HSPA9: variants seen among roughly 807,000 people sequenced by gnomAD.
HSPA9 encodes heat shock protein family A (Hsp70) member 9, also known as stress-70 protein, mitochondrial.
A neutral mutation model predicts 81.5 loss-of-function variants in HSPA9; 28 were observed. That is an observed-to-expected ratio of 0.34 (90% CI 0.25 to 0.47). The LOEUF is 0.47. Among genes scored for constraint, HSPA9 ranks in the 20% least tolerant of loss-of-function variants. The probability of loss-of-function intolerance (pLI) is 1.00; values close to 1 mark genes in which losing one functional copy is unlikely to be tolerated. For missense variants in HSPA9, 678 were observed against 838.0 expected (o/e 0.81, Z 2.36); for synonymous variants, 293 against 290.4 (o/e 1.01, Z -0.09).
At position 138,554,304 on chromosome 5, in the gene HSPA9, G is replaced by C. The variant is rs576291510; in HGVS notation, c.*1733C>G. ...GCATTAAGCCAGTAGTTCTCAACTG[G>C]AGTACTTTGGAAATCCTGGAGGGCT... On this transcript the variant is annotated 3_prime_UTR_variant, in exon 17 of 17. Transcript: ENST00000297185. Among the ~76,000 whole-genome samples, 3 of 152,336 alleles carry C rather than the reference G, an allele frequency of 2.0e-5. No homozygotes were observed. The highest frequency in any genetic ancestry group is 4.1e-4 in the South Asian group (2 of 4,826).
chr5:138,556,533 G>T lies in HSPA9; in HGVS notation c.1881C>A (p.Ser627Arg). Residue 627 changes from serine to arginine, a missense_variant, in exon 16 of 17, where the codon AGC becomes AGA. Physicochemically the swap from Ser to Arg is moderately radical, Grantham distance 110. This residue lies in a region of HSPA9 where 100 missense variants were observed against 99.5 expected (regional missense o/e 1.00). Coordinates refer to ENST00000297185, the MANE Select transcript of HSPA9 (RefSeq NM_004134.7). ...KMRELLARKD[S>R]ETGENIRQAA... ...CCTGTCTAATATTTTCTCCTGTTTC[G>T]CTGTCTTTTCTAGCCAGGAGCTCCC... is the stretch of plus-strand genomic sequence containing the variant. 1 of 1,613,846 alleles carries T rather than the reference G, an allele frequency of 6.2e-7. No individual in the cohort carries two copies. The highest frequency in any genetic ancestry group is 8.5e-7 in the Non-Finnish European group (1 of 1,179,906).
intron 3 of HSPA9, 95 bp downstream of exon 3, chr5:138,573,668 A>AAAAG (rs55663873): frequency 1.3e-5 from 8 of 597,002 alleles, no homozygotes; most frequent in East Asian, 1.1e-4. Context: ...AAAAAAAAAA[A>AAAAG]GCGCAAATCA....
rs1750475212 is a variant in HSPA9, at chr5:138,554,273, T to G, written c.*1764A>C. On this transcript the variant is annotated 3_prime_UTR_variant, in exon 17 of 17. Transcript: ENST00000297185. ...TCTCTCTGATCCCAAGGATGAATCT[T>G]GACTAGCATTAAGCCAGTAGTTCTC... is the stretch of plus-strand genomic sequence containing the variant. 6.6e-6 allele frequency among the ~76,000 whole-genome samples: 1 copy of G among 152,228 alleles called. No homozygotes were observed. Among genetic ancestry groups the G allele is most frequent in the African/African-American group, 2.4e-5 (1 of 41,454 alleles).
intron 12 of HSPA9, among the ~76,000 whole-genome samples, chr5:138,558,304 TAAC>T (rs1227079651): frequency 1.2e-4 from 18 of 151,154 alleles, no homozygotes; most frequent in African/African-American, 3.9e-4. Flanking sequence ...CAGAAACCAG[TAAC>T]AATATCAAAT....
At chr5:138,562,002 G>T (rs924780205) in intron 9 of HSPA9, among the ~76,000 whole-genome samples, 31 of 151,276 alleles carry the variant, frequency 2.0e-4, no homozygotes, top group Non-Finnish European at 3.7e-4. Context: ...GCAGTGGCAT[G>T]ATCTTGGCTC....
rs1461804256 is a variant in HSPA9, at chr5:138,554,684, TAA to T, written c.*1351_*1352del. On this transcript the variant is annotated 3_prime_UTR_variant, in exon 17 of 17. Coordinates refer to ENST00000297185, the MANE Select transcript of HSPA9 (RefSeq NM_004134.7). ...GTCTGATATTCTAAGCCCATCTTGA[TAA>T]CAGACTCTTTTGAACATGGCATATG... Among the ~76,000 whole-genome samples the T allele has an allele frequency of 1.3e-5, 2 of 152,252 alleles. No homozygotes were observed. Among genetic ancestry groups the T allele is most frequent in the African/African-American group, 2.4e-5 (1 of 41,474 alleles).
chr5:138,574,575 G>A (rs897183058), intron 1 of HSPA9, among the ~76,000 whole-genome samples: 3 of 152,208 alleles, frequency 2.0e-5, no homozygotes, highest in Admixed American at 1.3e-4. Context: ...AAAAGTAGTG[G>A]CGTTTCACTA....
Position 138,566,689 on chromosome 5 carries a change from C to T in HSPA9, c.909G>A (p.Met303Ile). The T allele has an allele frequency of 1.2e-6, 2 of 1,614,010 alleles. No homozygotes were observed. Among genetic ancestry groups the T allele is most frequent in the Admixed American group, 1.7e-5 (1 of 60,018 alleles). Residue 303 changes from methionine (M) to isoleucine (I), a missense_variant, in exon 9 of 17, where the codon ATG becomes ATA. Physicochemically the swap from Met to Ile is conservative, Grantham distance 10. Coordinates refer to ENST00000297185, the MANE Select transcript of HSPA9 (RefSeq NM_004134.7). ...CAGCTTCCCGTACCCTCTGAAGTGC[C>T]ATGTTGTCTTTAGTCAAATCAACCC... is the stretch of plus-strand genomic sequence containing the variant. ...ETGVDLTKDN[M>I]ALQRVREAAE...
In HSPA9 at chr5:138,571,174, T is replaced by G. The variant is rs1463267845; in HGVS notation, c.229-33A>C. 6 of 1,605,278 alleles carry G rather than the reference T, an allele frequency of 3.7e-6. No homozygotes were observed. In the Admixed American group the frequency reaches 8.4e-5, roughly 22 times the overall value. On this transcript the variant is annotated intron_variant, in intron 3 of 16. Coordinates refer to ENST00000297185, the MANE Select transcript of HSPA9 (RefSeq NM_004134.7). ...CCCAAAATGTGATAGAGAGTAAGTT[T>G]GTAGTTATCACTGGTATGTTTTTTG...
rs552182553 is a variant in HSPA9, at chr5:138,555,787, C to A, written c.*250G>T. On this transcript the variant is annotated 3_prime_UTR_variant, in exon 17 of 17. Transcript: ENST00000297185. ...TCTTTATAATGATCAATTCATCCTA[C>A]CTCCTTTTACATGCAGCTGAAAAAT... The A allele has an allele frequency of 1.4e-4, 75 of 545,650 alleles. 1 individual carries two copies. The South Asian group carries it at 1.6e-3, about 11-fold the overall frequency. 33.8% of individuals were successfully genotyped at this position (545,650 alleles called of 1,614,324 possible).
chr5:138,557,041 A>C, intron 14 of HSPA9, 175 bp from the exon 15 acceptor site: 1 of 655,010 alleles, frequency 1.5e-6, no homozygotes, highest in Non-Finnish European at 2.7e-6. Flanking sequence ...GATTTGGGCT[A>C]GATTTTGTAA....
intron 3 of HSPA9, 88 bp downstream of exon 3, chr5:138,573,675 A>G: frequency 1.6e-6 from 1 of 624,170 alleles, no homozygotes; most frequent in Non-Finnish European, 2.9e-6. Flanking sequence ...AAAAGCGCAA[A>G]TCAGGTTCTC....
intron 8 of HSPA9, 50 bp downstream of exon 8, chr5:138,566,951 G>C (rs1374740181): frequency 6.4e-7 from 1 of 1,574,660 alleles, no homozygotes; most frequent in East Asian, 2.2e-5. Flanking sequence ...TCTGAACAAA[G>C]AATTTCTCAA....
chr5:138,568,336 T>C (rs558313888), intron 5 of HSPA9, among the ~76,000 whole-genome samples: 168 of 151,478 alleles, frequency 1.1e-3, no homozygotes, highest in African/African-American at 3.9e-3. Flanking sequence ...CCCATCTCTT[T>C]ACTAAAAACA....
At chr5:138,567,617 T>A (rs139809960) in intron 6 of HSPA9, 32 bp downstream of exon 6, 2 of 1,611,376 alleles carry the variant, frequency 1.2e-6, no homozygotes, top group African/African-American at 2.7e-5. Context: ...GGCACCTTAC[T>A]TTTTGTGAAT....
chr5:138,573,685 CA>C (rs1751006996), intron 3 of HSPA9, 77 bp downstream of exon 3: 1 of 499,262 alleles, frequency 2.0e-6, no homozygotes, highest in African/African-American at 2.1e-5. Context: ...ATCAGGTTCT[CA>C]AATTCCTTAA....
In HSPA9 at chr5:138,573,748, A is replaced by C; in HGVS notation, c.228+15T>G. 2 of 1,543,440 alleles carry C rather than the reference A, an allele frequency of 1.3e-6. No individual in the cohort carries two copies. The highest frequency in any genetic ancestry group is 1.8e-6 in the Non-Finnish European group (2 of 1,117,750). ...ACAGATTCTGGATAAGGTACTAGTT[A>C]TCAATCATGCTCACCTTTGCTTGTT... On this transcript the variant is annotated intron_variant, in intron 3 of 16. Coordinates refer to ENST00000297185, the MANE Select transcript of HSPA9 (RefSeq NM_004134.7).
intron 5 of HSPA9, among the ~76,000 whole-genome samples, chr5:138,568,462 G>T (rs972557488): frequency 7.2e-5 from 11 of 152,142 alleles, no homozygotes; most frequent in African/African-American, 2.4e-4. Flanking sequence ...AGCCGAGATT[G>T]TGCCACTGCA....
At chr5:138,564,389 C>T (rs1447977968) in intron 9 of HSPA9, among the ~76,000 whole-genome samples, 1 of 152,186 alleles carries the variant, frequency 6.6e-6, no homozygotes, top group Non-Finnish European at 1.5e-5. Flanking sequence ...CAGATGTGAG[C>T]CACTGCGTGC....
Sources: allele counts gnomAD v4.1 joint callset (sites outside exome capture counted in the v4.1 genomes callset), GRCh38; gene constraint gnomAD v4.1.1; regional missense constraint gnomAD v4.1.1; transcripts MANE v1.5; gene names NCBI Gene and HGNC (gene_info 2026-07-23, HGNC 2026-07-21).